Variants in QTMAN observed in about 807,000 individuals in gnomAD.
QTMAN encodes the protein tRNA-queuosine alpha-mannosyltransferase.
chr2:144,039,541 A>G, the QTMAN span, among the ~76,000 whole-genome samples: 2 of 152,182 alleles, frequency 1.3e-5, no homozygotes. Context: ...TTGGTGAACT[A>G]TATTCTGTGG....
At chr2:144,019,452 G>C in the QTMAN span, among the ~76,000 whole-genome samples, 3 of 145,822 alleles carry the variant, frequency 2.1e-5, no homozygotes, top group African/African-American at 7.9e-5. Flanking sequence ...GTGTGTGTGT[G>C]TGTGTGTGTG....
At chr2:144,024,338 C>G in the QTMAN span, among the ~76,000 whole-genome samples, 2 of 152,192 alleles carry the variant, frequency 1.3e-5, no homozygotes, top group African/African-American at 4.8e-5. Context: ...TACATGCTCG[C>G]TATACAGTTG....
At chr2:144,106,383 T>C in the QTMAN span, among the ~76,000 whole-genome samples, 9 of 152,246 alleles carry the variant, frequency 5.9e-5, no homozygotes, top group East Asian at 1.9e-4. Context: ...GAGACACACA[T>C]AGGCTCAAAA....
chr2:144,185,777 T>C, the QTMAN span, among the ~76,000 whole-genome samples: 1 of 152,298 alleles, frequency 6.6e-6, no homozygotes, highest in East Asian at 1.9e-4. Flanking sequence ...GTTTTCTGTT[T>C]TGTTTTTAGA....
the QTMAN span, chr2:143,938,692 T>C: frequency 6.6e-6 from 1 of 152,176 alleles, no homozygotes; most frequent in Admixed American, 6.5e-5. Flanking sequence ...ATTTCAAAAA[T>C]AAAATTTCCA....
the QTMAN span, among the ~76,000 whole-genome samples, chr2:144,200,112 G>C: frequency 1.3e-5 from 2 of 152,066 alleles, no homozygotes; most frequent in African/African-American, 4.8e-5. Context: ...CAAACACAAA[G>C]GCCTAAATGG....
At chr2:143,939,315 T>C in the QTMAN span, 2 of 152,350 alleles carry the variant, frequency 1.3e-5, no homozygotes, top group Non-Finnish European at 2.9e-5. Context: ...ATTAAGTTTA[T>C]ATTAATAAAT....
At chr2:144,194,507 T>C in the QTMAN span, among the ~76,000 whole-genome samples, 1 of 152,206 alleles carries the variant, frequency 6.6e-6, no homozygotes, top group Non-Finnish European at 1.5e-5. Context: ...AAATTCACAC[T>C]GCGTGGGCTA....
At chr2:144,048,819 T>TAC in the QTMAN span, among the ~76,000 whole-genome samples, 1,354 of 148,288 alleles carry the variant, frequency 9.1e-3, 2 homozygotes, top group African/African-American at 0.023. Context: ...CACACATGCA[T>TAC]ACACACACAC....
chr2:143,980,147 G>A, the QTMAN span, among the ~76,000 whole-genome samples: 2 of 151,800 alleles, frequency 1.3e-5, no homozygotes, highest in East Asian at 1.9e-4. Context: ...TATTAATCCC[G>A]GCATCCATTA....
chr2:144,096,895 A>G, the QTMAN span, among the ~76,000 whole-genome samples: 151,591 of 152,356 alleles, frequency 0.99, 75,418 homozygotes, highest in East Asian at 1. Flanking sequence ...ACTTATTGTC[A>G]GCCAAAATGA....
At chr2:144,083,235 C>A in the QTMAN span, among the ~76,000 whole-genome samples, 5 of 152,200 alleles carry the variant, frequency 3.3e-5, no homozygotes. Context: ...ACGCAGCTTC[C>A]ATCTGCCTCT....
the QTMAN span, among the ~76,000 whole-genome samples, chr2:144,246,942 C>T: frequency 6.6e-6 from 1 of 152,278 alleles, no homozygotes; most frequent in South Asian, 2.1e-4. Flanking sequence ...CTTCCAAAAA[C>T]CTATAGGAAA....
the QTMAN span, among the ~76,000 whole-genome samples, chr2:144,263,146 G>A: frequency 6.6e-6 from 1 of 151,686 alleles, no homozygotes; most frequent in Non-Finnish European, 1.5e-5. Context: ...TTCAGGATAT[G>A]TGCTCCCTTC....
At chr2:144,108,857 G>T in the QTMAN span, among the ~76,000 whole-genome samples, 2 of 152,052 alleles carry the variant, frequency 1.3e-5, no homozygotes, top group African/African-American at 2.4e-5. Flanking sequence ...ACTTACAAGG[G>T]ATGTGAAGGA....
At chr2:144,320,799 ATGG>A in the QTMAN span, among the ~76,000 whole-genome samples, 1 of 152,166 alleles carries the variant, frequency 6.6e-6, no homozygotes, top group East Asian at 1.9e-4. Flanking sequence ...GCCATCCTGC[ATGG>A]TGGATTTGTT....
At chr2:144,078,290 C>T in the QTMAN span, among the ~76,000 whole-genome samples, 1 of 152,184 alleles carries the variant, frequency 6.6e-6, no homozygotes, top group Non-Finnish European at 1.5e-5. Flanking sequence ...ATGCTGGTGT[C>T]ACTATAGTCC....
the QTMAN span, among the ~76,000 whole-genome samples, chr2:144,090,414 G>A: frequency 6.6e-6 from 1 of 152,022 alleles, no homozygotes; most frequent in Non-Finnish European, 1.5e-5. Flanking sequence ...TGGAAAGGAA[G>A]AAGTAAAACT....
chr2:144,180,675 G>A, the QTMAN span, among the ~76,000 whole-genome samples: 38 of 152,204 alleles, frequency 2.5e-4, no homozygotes, highest in African/African-American at 8.9e-4. Flanking sequence ...CTTTGATAAG[G>A]GCCAGGTGGC....
Sources: gnomAD v4.1 joint callset for allele counts (sites outside exome capture counted in the v4.1 genomes callset) on GRCh38, gnomAD v4.1.1 for gene constraint, MANE v1.5 for transcripts, NCBI Gene and HGNC (gene_info 2026-07-23, HGNC 2026-07-21) for gene names.